The following NRXN1 variants were observed in gnomAD, a reference collection of about 807,000 sequenced individuals.
NRXN1 encodes the protein neurexin 1.
In NRXN1, 39 loss-of-function variants were observed where a neutral mutation model predicts 150.9. That is an observed-to-expected ratio of 0.26 (90% CI 0.20 to 0.34). The LOEUF is 0.34. NRXN1 is among the 10% of genes least tolerant of loss of function. The probability of loss-of-function intolerance (pLI) is 1.00; values close to 1 mark genes in which losing one functional copy is unlikely to be tolerated. For synonymous variants in NRXN1, 924 were observed against 757.0 expected, an observed-to-expected ratio of 1.22 and a Z score of -3.62; for missense variants, 1,815 against 1,949.9, an observed-to-expected ratio of 0.93 and a Z score of 1.30.
At chr2:50,827,304 A>G (rs1670592763) in intron 5 of NRXN1, among the ~76,000 whole-genome samples, 1 of 152,224 alleles carries the variant, frequency 6.6e-6, no homozygotes, top group Non-Finnish European at 1.5e-5. Flanking sequence ...ATATCACAAT[A>G]TAGAATTTGG....
At chr2:50,064,506 G>C (rs1245170822) in intron 19 of NRXN1, among the ~76,000 whole-genome samples, 1 of 151,568 alleles carries the variant, frequency 6.6e-6, no homozygotes, top group Non-Finnish European at 1.5e-5. Context: ...ATTTCTGCAA[G>C]TGCTTCAATT....
intron 5 of NRXN1, among the ~76,000 whole-genome samples, chr2:50,881,221 T>A (rs1679378651): frequency 1.3e-5 from 2 of 151,966 alleles, no homozygotes. Context: ...TGATCTCATC[T>A]TAAATATTTC....
intron 17 of NRXN1, among the ~76,000 whole-genome samples, chr2:50,457,052 T>C (rs2104577887): frequency 6.6e-6 from 1 of 152,268 alleles, no homozygotes; most frequent in African/African-American, 2.4e-5. Flanking sequence ...ATTAGATTAT[T>C]ATTTTTGAGA....
At chr2:49,925,279 A>AC (rs200086196) in intron 22 of NRXN1, among the ~76,000 whole-genome samples, 4 of 140,676 alleles carry the variant, frequency 2.8e-5, no homozygotes, top group African/African-American at 1.1e-4. Flanking sequence ...CACTGCCTCA[A>AC]CCAAAAAAAA....
chr2:50,160,998 C>T (rs2059332025), intron 18 of NRXN1, among the ~76,000 whole-genome samples: 1 of 151,950 alleles, frequency 6.6e-6, no homozygotes, highest in Non-Finnish European at 1.5e-5. Flanking sequence ...AGACATTAGG[C>T]TATTGGTCAG....
At chr2:50,800,843 C>T (rs572415517) in intron 5 of NRXN1, among the ~76,000 whole-genome samples, 1 of 152,138 alleles carries the variant, frequency 6.6e-6, no homozygotes, top group Non-Finnish European at 1.5e-5. Flanking sequence ...AGCCAGCATG[C>T]CTGGCCAATA....
chr2:50,870,843 T>C (rs1334676889), intron 5 of NRXN1, among the ~76,000 whole-genome samples: 2 of 151,844 alleles, frequency 1.3e-5, no homozygotes, highest in African/African-American at 4.8e-5. Flanking sequence ...CATCAATATC[T>C]CAAGCTCTCT....
intron 8 of NRXN1, among the ~76,000 whole-genome samples, chr2:50,569,908 A>G (rs1670408111): frequency 6.6e-6 from 1 of 152,192 alleles, no homozygotes; most frequent in South Asian, 2.1e-4. Context: ...TGATGAAACC[A>G]GAGCACTGTG....
intron 17 of NRXN1, among the ~76,000 whole-genome samples, chr2:50,461,465 T>C (rs1027782161): frequency 3.4e-4 from 52 of 152,052 alleles, no homozygotes; most frequent in African/African-American, 1.2e-3. Flanking sequence ...GCCATGTTCA[T>C]CTTCTCCAAC....
At chr2:50,822,722 G>A (rs907183146) in intron 5 of NRXN1, among the ~76,000 whole-genome samples, 4 of 151,954 alleles carry the variant, frequency 2.6e-5, no homozygotes, top group Middle Eastern at 3.2e-3. Flanking sequence ...TTAAATCCTC[G>A]TTTTCATTCT....
intron 5 of NRXN1, among the ~76,000 whole-genome samples, chr2:50,813,706 A>C (rs1330301051): frequency 6.6e-6 from 1 of 152,154 alleles, no homozygotes; most frequent in Non-Finnish European, 1.5e-5. Context: ...AAAGATGTGA[A>C]CATGCATATA....
At chr2:50,503,310 A>C (rs2092048867) in intron 13 of NRXN1, among the ~76,000 whole-genome samples, 1 of 151,420 alleles carries the variant, frequency 6.6e-6, no homozygotes, top group South Asian at 2.1e-4. Flanking sequence ...TCCATCTCAA[A>C]AAAACAAAAA....
chr2:50,255,455 C>G (rs957384939), intron 17 of NRXN1, among the ~76,000 whole-genome samples: 1 of 152,088 alleles, frequency 6.6e-6, no homozygotes, highest in East Asian at 1.9e-4. Flanking sequence ...AGTGTCAAAT[C>G]TTTTTTCTTT....
At chr2:50,076,644 T>C (rs1697143740) in intron 19 of NRXN1, among the ~76,000 whole-genome samples, 1 of 152,216 alleles carries the variant, frequency 6.6e-6, no homozygotes, top group African/African-American at 2.4e-5. Context: ...CACACTTAAC[T>C]TGCATTAAGT....
intron 2 of NRXN1, among the ~76,000 whole-genome samples, chr2:50,928,592 T>G (rs1448299127): frequency 1.3e-5 from 2 of 152,042 alleles, no homozygotes; most frequent in African/African-American, 4.8e-5. Flanking sequence ...AAAAGAATAG[T>G]TTATCTCCTC....
chr2:50,085,768 A>G (rs545944934), intron 19 of NRXN1, among the ~76,000 whole-genome samples: 1 of 152,170 alleles, frequency 6.6e-6, no homozygotes, highest in East Asian at 1.9e-4. Context: ...TCTTGTGTGT[A>G]TATGTGTTTG....
intron 17 of NRXN1, among the ~76,000 whole-genome samples, chr2:50,343,857 G>A (rs1300734763): frequency 1.3e-5 from 2 of 152,146 alleles, no homozygotes; most frequent in African/African-American, 4.8e-5. Flanking sequence ...TATTATGAAA[G>A]AAAATGTCTT....
chr2:50,662,958 A>T (rs698842), intron 5 of NRXN1, among the ~76,000 whole-genome samples: 126,801 of 151,976 alleles, frequency 0.83, 53,483 homozygotes, highest in African/African-American at 0.95. Context: ...TGACCTGGCA[A>T]GACATCCAGA....
At chr2:50,623,707 A>C in intron 5 of NRXN1, 92 bp from the exon 6 acceptor site, 2 of 825,726 alleles carry the variant, frequency 2.4e-6, no homozygotes. Flanking sequence ...TCACTCCCCA[A>C]ATTAACCTGC....
Sources: allele counts gnomAD v4.1 joint callset (sites outside exome capture counted in the v4.1 genomes callset), GRCh38; gene constraint gnomAD v4.1.1; transcripts MANE v1.5; gene names NCBI Gene and HGNC (gene_info 2026-07-23, HGNC 2026-07-21).